ATP10B: variants seen among roughly 807,000 people sequenced by gnomAD.
ATP10B encodes the protein ATPase phospholipid transporting 10B (putative).
In ATP10B, 122 loss-of-function variants were observed where a neutral mutation model predicts 141.2. The observed-to-expected ratio is 0.86, with a 90% confidence interval of 0.75 to 1.00. The LOEUF (loss-of-function observed/expected upper bound fraction) is 1.00. ATP10B is among the 50% of genes least tolerant of loss of function. The probability of loss-of-function intolerance (pLI) is 0.00; values close to 1 mark genes in which losing one functional copy is unlikely to be tolerated. For missense variants in ATP10B, 1,876 were observed against 1,825.3 expected (o/e 1.03, Z -0.51); for synonymous variants, 685 against 692.0 (o/e 0.99, Z 0.16).
intron 23 of ATP10B, among the ~76,000 whole-genome samples, chr5:160,590,785 C>T (rs1386030284): frequency 6.6e-6 from 1 of 152,120 alleles, no homozygotes; most frequent in Non-Finnish European, 1.5e-5. Flanking sequence ...ACAAGGTGAG[C>T]CCAGCTGCAA....
At chr5:160,741,863 C>A (rs1487721117) in intron 2 of ATP10B, among the ~76,000 whole-genome samples, 2 of 152,206 alleles carry the variant, frequency 1.3e-5, no homozygotes, top group Non-Finnish European at 2.9e-5. Flanking sequence ...TCATCATTAT[C>A]ATCCTCCAAA....
intron 3 of ATP10B, among the ~76,000 whole-genome samples, chr5:160,708,577 G>T (rs116347066): frequency 0.02 from 3,006 of 152,252 alleles, 101 homozygotes; most frequent in African/African-American, 0.067. Flanking sequence ...TGGCTTTGCT[G>T]TCCAGCAGTG....
Position 160,644,353 on chromosome 5 carries a change from CTGTTT to C in ATP10B, c.762-114_762-110del, listed in dbSNP as rs1230221014. On this transcript the variant is annotated intron_variant, in intron 8 of 25. Transcript: ENST00000327245. ...TGAGTGAACATGATCCCTCTCCTCC[CTGTTT>C]TTTCAGAAGAGTGATGGTAGCTGAG... 3 of 750,940 alleles carry C rather than the reference CTGTTT, an allele frequency of 4.0e-6. No homozygotes were observed. In the East Asian group the frequency reaches 7.8e-5, roughly 19 times the overall value. The allele number at this position is 750,940 out of a possible 1,614,324, so 46.5% of individuals were successfully genotyped here. A position where few individuals can be genotyped will look rare whatever the true frequency, so the allele number is the denominator to read the frequency against.
At chr5:160,684,738 T>G in intron 6 of ATP10B, 1 of 603,548 alleles carries the variant, frequency 1.7e-6, no homozygotes, top group Non-Finnish European at 2.9e-6. Flanking sequence ...TAATGATATC[T>G]CCCTACTCCA....
At chr5:160,871,244 A>G in the ATP10B span, among the ~76,000 whole-genome samples, 1 of 152,146 alleles carries the variant, frequency 6.6e-6, no homozygotes, top group African/African-American at 2.4e-5. Context: ...ATATATACAT[A>G]TGTGCTTATA....
chr5:160,685,792 T>C (rs565171288), intron 6 of ATP10B, among the ~76,000 whole-genome samples: 7 of 152,190 alleles, frequency 4.6e-5, no homozygotes, highest in South Asian at 2.1e-4. Flanking sequence ...TTTGACTGGT[T>C]AATAATTGTT....
intron 8 of ATP10B, 50 bp from the exon 9 acceptor site, chr5:160,644,294 C>T: frequency 7.7e-7 from 1 of 1,300,656 alleles, no homozygotes; most frequent in Non-Finnish European, 1.1e-6. Flanking sequence ...CCTTTCCTTG[C>T]TGTCACTGGG....
chr5:160,815,457 C>T (rs916531587), intron 1 of ATP10B, among the ~76,000 whole-genome samples: 6 of 152,178 alleles, frequency 3.9e-5, no homozygotes, highest in East Asian at 1.9e-4. Flanking sequence ...AATATATATG[C>T]ACCCAATACA....
chr5:160,701,070 T>A (rs144052848), intron 3 of ATP10B, among the ~76,000 whole-genome samples: 1 of 152,150 alleles, frequency 6.6e-6, no homozygotes, highest in African/African-American at 2.4e-5. Context: ...GCCACTCTCA[T>A]CTCTAGCTGT....
chr5:160,876,545 C>T, the ATP10B span, among the ~76,000 whole-genome samples: 1 of 147,214 alleles, frequency 6.8e-6, no homozygotes, highest in African/African-American at 2.5e-5. Flanking sequence ...CAGAGCAGAA[C>T]TGAAGGAAAT....
At chr5:160,658,227 G>T (rs1761641896) in intron 7 of ATP10B, among the ~76,000 whole-genome samples, 1 of 152,192 alleles carries the variant, frequency 6.6e-6, no homozygotes, top group Non-Finnish European at 1.5e-5. Context: ...TTATTGAACG[G>T]ACTATAATAG....
At chr5:160,723,599 A>G (rs532445040) in intron 2 of ATP10B, among the ~76,000 whole-genome samples, 1 of 152,272 alleles carries the variant, frequency 6.6e-6, no homozygotes, top group South Asian at 2.1e-4. Flanking sequence ...TTGTTGGTCA[A>G]AATTTTTTGT....
intron 24 of ATP10B, among the ~76,000 whole-genome samples, chr5:160,577,666 C>T (rs1364521525): frequency 6.6e-6 from 1 of 152,174 alleles, no homozygotes; most frequent in Non-Finnish European, 1.5e-5. Context: ...GAATTTCCAT[C>T]ATGACTTACT....
chr5:160,766,319 C>A (rs1197775266), intron 2 of ATP10B, among the ~76,000 whole-genome samples: 2 of 146,476 alleles, frequency 1.4e-5, no homozygotes, highest in Admixed American at 7.0e-5. Context: ...GTCCACCAAT[C>A]AATGAGTGGA....
At chr5:160,589,720 A>G in intron 23 of ATP10B, 24 bp from the exon 24 acceptor site, 3 of 1,545,588 alleles carry the variant, frequency 1.9e-6, no homozygotes, top group Non-Finnish European at 8.9e-7. Flanking sequence ...ACAGACAGGC[A>G]TTGTCAGGTA....
At chr5:160,786,528 G>A (rs1424632223) in intron 1 of ATP10B, among the ~76,000 whole-genome samples, 4 of 152,054 alleles carry the variant, frequency 2.6e-5, no homozygotes, top group African/African-American at 7.2e-5. Context: ...GGGCAGGGTG[G>A]GAAAATTCAA....
chr5:160,708,826 T>C (rs963629751), intron 3 of ATP10B, among the ~76,000 whole-genome samples: 1 of 152,216 alleles, frequency 6.6e-6, no homozygotes, highest in Admixed American at 6.5e-5. Context: ...CTCTGATTTA[T>C]CTGCATAATG....
chr5:160,893,031 C>T, the ATP10B span, among the ~76,000 whole-genome samples: 1 of 151,980 alleles, frequency 6.6e-6, no homozygotes, highest in African/African-American at 2.4e-5. Context: ...CTTTGCTTTT[C>T]CTACAGTCTT....
intron 2 of ATP10B, among the ~76,000 whole-genome samples, chr5:160,754,913 T>C (rs1768412333): frequency 6.6e-6 from 1 of 152,202 alleles, no homozygotes; most frequent in African/African-American, 2.4e-5. Context: ...TATTGAGGTA[T>C]ATTTAAGGTA....
Sources: gnomAD v4.1 joint callset for allele counts (sites outside exome capture counted in the v4.1 genomes callset) on GRCh38, gnomAD v4.1.1 for gene constraint, MANE v1.5 for transcripts, NCBI Gene and HGNC (gene_info 2026-07-23, HGNC 2026-07-21) for gene names.